TAS2R1: variants seen among roughly 807,000 people sequenced by gnomAD.
TAS2R1 encodes taste receptor type 2 member 1.
For synonymous variants in TAS2R1, 141 were observed against 134.2 expected, an observed-to-expected ratio of 1.05 and a Z score of -0.35; for missense variants, 370 against 353.4, an observed-to-expected ratio of 1.05 and a Z score of -0.38.
chr5:9,735,805 A>G, the TAS2R1 span, among the ~76,000 whole-genome samples: 1 of 152,256 alleles, frequency 6.6e-6, no homozygotes, highest in African/African-American at 2.4e-5. Flanking sequence ...AAGAACCTGC[A>G]AAGTTACCTC....
At chr5:9,812,056 T>G in the TAS2R1 span, among the ~76,000 whole-genome samples, 3 of 152,108 alleles carry the variant, frequency 2.0e-5, no homozygotes, top group Admixed American at 6.6e-5. Context: ...TCTCCCACTC[T>G]GTATCTAAAG....
the TAS2R1 span, among the ~76,000 whole-genome samples, chr5:9,806,471 A>G: frequency 1.2e-4 from 18 of 152,174 alleles, no homozygotes; most frequent in Admixed American, 2.0e-4. Context: ...ACAAATCTGG[A>G]GGCATCACAT....
At position 9,655,430 on chromosome 5, in the gene TAS2R1, T is replaced by C. The variant is rs547186151; in HGVS notation, c.-81+3991A>G. ...ATGAGTAATAATGAGAAAAAAATCA[T>C]TGACTATGAGACTTAGTTTAGTTTA... On this transcript the variant is annotated intron_variant, in intron 2 of 2. Coordinates refer to the TAS2R1 transcript ENST00000506620. 2.0e-5 allele frequency among the ~76,000 whole-genome samples: 3 copies of C among 152,250 alleles called. No individual in the cohort carries two copies. In the South Asian group the frequency reaches 6.2e-4, roughly 32 times the overall value.
At position 9,699,391 on chromosome 5, in the gene TAS2R1, G is replaced by A. The variant is rs182937330; in HGVS notation, c.-242+12781C>T. 7.0e-4 allele frequency among the ~76,000 whole-genome samples: 107 copies of A among 152,262 alleles called. 1 individual carries two copies. The highest frequency in any genetic ancestry group is 2.5e-3 in the African/African-American group (103 of 41,550). ...GTAGCTGATGCCACTTTCTGACTTC[G>A]AAGGACGATTTATTCTTCTGAGGAT... On this transcript the variant is annotated intron_variant, in intron 1 of 2. Transcript: ENST00000506620.
At chr5:9,859,520 T>C in the TAS2R1 span, among the ~76,000 whole-genome samples, 1 of 152,220 alleles carries the variant, frequency 6.6e-6, no homozygotes, top group Admixed American at 6.5e-5. Context: ...GTTTGGCTTA[T>C]GGTATCCCAT....
intron 1 of TAS2R1, among the ~76,000 whole-genome samples, chr5:9,685,338 A>G (rs2126513330): frequency 6.6e-6 from 1 of 152,290 alleles, no homozygotes; most frequent in South Asian, 2.1e-4. Context: ...AAAACACAGA[A>G]AATACCCCAT....
chr5:9,830,277 A>G, the TAS2R1 span, among the ~76,000 whole-genome samples: 1 of 152,196 alleles, frequency 6.6e-6, no homozygotes, highest in South Asian at 2.1e-4. Flanking sequence ...AGTTAGATAT[A>G]GACAGATGAC....
In TAS2R1 at chr5:9,701,668, C is replaced by T. The variant is rs570371458; in HGVS notation, c.-242+10504G>A. On this transcript the variant is annotated intron_variant, in intron 1 of 2. Coordinates refer to the TAS2R1 transcript ENST00000506620. ...AAAGCATATCTATGTGTATTGACTG[C>T]AAATACTTTTGTAAAGTTATTCCTT... 5.9e-5 allele frequency among the ~76,000 whole-genome samples: 9 copies of T among 152,290 alleles called. No homozygotes were observed. The East Asian group carries it at 9.6e-4, about 16-fold the overall frequency.
the TAS2R1 span, among the ~76,000 whole-genome samples, chr5:9,722,210 C>G: frequency 6.6e-5 from 10 of 152,342 alleles, no homozygotes; most frequent in African/African-American, 2.2e-4. Context: ...GAGGACCCCC[C>G]ACAGGGGACC....
intron 1 of TAS2R1, among the ~76,000 whole-genome samples, chr5:9,678,175 G>GA (rs1453269262): frequency 2.6e-5 from 4 of 151,958 alleles, no homozygotes; most frequent in African/African-American, 9.7e-5. Flanking sequence ...ACAAACATAT[G>GA]AAAAAAACCT....
chr5:9,795,357 A>G, the TAS2R1 span, among the ~76,000 whole-genome samples: 1 of 152,192 alleles, frequency 6.6e-6, no homozygotes. Context: ...GGACAAAGTA[A>G]TATCTTCAAA....
At chr5:9,716,874 C>T (rs1451661400), upstream of TAS2R1, among the ~76,000 whole-genome samples, 1 of 152,136 alleles carries the variant, frequency 6.6e-6, no homozygotes, top group Non-Finnish European at 1.5e-5. Context: ...GAGTCTCAGC[C>T]TGCCTACCAA....
At chr5:9,783,957 T>C in the TAS2R1 span, among the ~76,000 whole-genome samples, 1 of 152,184 alleles carries the variant, frequency 6.6e-6, no homozygotes, top group South Asian at 2.1e-4. Flanking sequence ...CCCAGCTGCA[T>C]CTCTTCCTGG....
chr5:9,879,747 C>A, the TAS2R1 span, among the ~76,000 whole-genome samples: 1 of 152,190 alleles, frequency 6.6e-6, no homozygotes, highest in Non-Finnish European at 1.5e-5. Context: ...AATGAGGCAT[C>A]AAACACAAAT....
At chr5:9,719,918 CA>C in the TAS2R1 span, among the ~76,000 whole-genome samples, 94 of 64,330 alleles carry the variant, frequency 1.5e-3, no homozygotes, top group African/African-American at 3.0e-3. Context: ...GATTCCGATT[CA>C]AAAAAAAAAA....
chr5:9,834,284 G>A, the TAS2R1 span, among the ~76,000 whole-genome samples: 15 of 152,202 alleles, frequency 9.9e-5, no homozygotes, highest in Non-Finnish European at 1.9e-4. Flanking sequence ...CTGTTTCCTC[G>A]TTTAGAAATC....
the TAS2R1 span, among the ~76,000 whole-genome samples, chr5:9,855,617 G>C: frequency 6.6e-6 from 1 of 152,218 alleles, no homozygotes. Context: ...AGGAAGTGCA[G>C]AGCTCAGTCT....
At chr5:9,884,610 G>C in the TAS2R1 span, among the ~76,000 whole-genome samples, 2 of 151,850 alleles carry the variant, frequency 1.3e-5, no homozygotes, top group African/African-American at 4.8e-5. Context: ...TAAAACACAA[G>C]TTACTATTAT....
the TAS2R1 span, among the ~76,000 whole-genome samples, chr5:9,868,744 A>T: frequency 6.6e-6 from 1 of 152,200 alleles, no homozygotes; most frequent in Non-Finnish European, 1.5e-5. Flanking sequence ...AGGCTGCAAA[A>T]TTTCCAAACC....
Sources: allele counts gnomAD v4.1 joint callset (sites outside exome capture counted in the v4.1 genomes callset), GRCh38; gene constraint gnomAD v4.1.1; transcripts MANE v1.5; gene names NCBI Gene and HGNC (gene_info 2026-07-23, HGNC 2026-07-21).